ASIC2: variants seen among roughly 807,000 people sequenced by gnomAD.
The protein encoded by ASIC2 is acid sensing ion channel subunit 2.
In ASIC2, 25 loss-of-function variants were observed where a neutral mutation model predicts 57.3. The ratio of observed to expected loss-of-function variants is 0.44; its 90% confidence interval spans 0.32 to 0.61. ASIC2 has a LOEUF of 0.61. Among genes scored for constraint, ASIC2 ranks in the 20% least tolerant of loss-of-function variants. The pLI, the probability that ASIC2 is intolerant of heterozygous loss-of-function variation, is 0.06. For synonymous variants in ASIC2, 319 were observed against 307.5 expected (o/e 1.04, Z -0.39); for missense variants, 641 against 738.1 (o/e 0.87, Z 1.52).
chr17:34,011,312 C>T (rs1376013292), intron 1 of ASIC2, among the ~76,000 whole-genome samples: 1 of 152,142 alleles, frequency 6.6e-6, no homozygotes, highest in Admixed American at 6.5e-5. Context: ...CTCCTACCTG[C>T]CCCCAGCCTT....
intron 1 of ASIC2, chr17:33,827,658 T>C (rs996357542): frequency 1.3e-5 from 2 of 152,038 alleles, no homozygotes; most frequent in Non-Finnish European, 1.5e-5. Context: ...CTCACTCTTA[T>C]TTATGAAGGA....
chr17:33,779,789 C>T (rs1414184839), intron 1 of ASIC2, among the ~76,000 whole-genome samples: 1 of 152,124 alleles, frequency 6.6e-6, no homozygotes, highest in African/African-American at 2.4e-5. Flanking sequence ...AAGCACCACT[C>T]AAATGCCTGA....
intron 1 of ASIC2, among the ~76,000 whole-genome samples, chr17:33,805,699 G>A (rs549643367): frequency 1.3e-5 from 2 of 152,164 alleles, no homozygotes; most frequent in East Asian, 1.9e-4. Context: ...TGTTTCTGAC[G>A]TTTCCCTTTC....
chr17:34,054,985 T>G (rs1908712258), intron 1 of ASIC2, among the ~76,000 whole-genome samples: 1 of 152,138 alleles, frequency 6.6e-6, no homozygotes, highest in Non-Finnish European at 1.5e-5. Context: ...GAGAGGTCCA[T>G]CCAAAGAAAT....
intron 1 of ASIC2, among the ~76,000 whole-genome samples, chr17:33,117,808 C>T (rs1284479362): frequency 6.6e-6 from 1 of 152,164 alleles, no homozygotes; most frequent in Non-Finnish European, 1.5e-5. Flanking sequence ...TACTATGTGT[C>T]TGCTTTTCGG....
intron 1 of ASIC2, among the ~76,000 whole-genome samples, chr17:33,506,953 A>C (rs1322617321): frequency 6.6e-6 from 1 of 152,216 alleles, no homozygotes; most frequent in African/African-American, 2.4e-5. Context: ...AATGTCATCA[A>C]AAGGCTCTTC....
chr17:33,202,102 TG>T (rs2142079238), intron 1 of ASIC2, among the ~76,000 whole-genome samples: 1 of 151,714 alleles, frequency 6.6e-6, no homozygotes, highest in African/African-American at 2.4e-5. Flanking sequence ...CTTGATTCCT[TG>T]AATTATTTCC....
chr17:33,880,150 G>A (rs2141939050), intron 1 of ASIC2, among the ~76,000 whole-genome samples: 1 of 152,302 alleles, frequency 6.6e-6, no homozygotes, highest in East Asian at 1.9e-4. Context: ...ACAAGAGAAA[G>A]CAGGAAAGAT....
At chr17:33,626,028 T>G (rs969374395) in intron 1 of ASIC2, among the ~76,000 whole-genome samples, 1 of 152,234 alleles carries the variant, frequency 6.6e-6, no homozygotes. Flanking sequence ...AAGAAGATTC[T>G]GAGGTTCTAG....
chr17:33,490,698 T>C (rs1913728056), intron 1 of ASIC2, among the ~76,000 whole-genome samples: 1 of 152,172 alleles, frequency 6.6e-6, no homozygotes. Context: ...GAACTGTGAG[T>C]CAATTAAACC....
chr17:33,016,511 A>C lies in ASIC2; in HGVS notation c.1522-472T>G, dbSNP rs12602141. Among the ~76,000 whole-genome samples the C allele has an allele frequency of 1.0e-3, 153 of 152,314 alleles. 4 individuals carry two copies. In the East Asian group the frequency reaches 0.028, roughly 28 times the overall value. Reference sequence around the variant, plus strand: ...CTCCTAGCAATAGAGGGTAGTTCTTAAATCTGTTACCTGGTGTGATTCAAT... The same window carrying C: ...CTCCTAGCAATAGAGGGTAGTTCTTCAATCTGTTACCTGGTGTGATTCAAT... On this transcript the variant is annotated intron_variant, in intron 8 of 9. Coordinates refer to ENST00000225823, the MANE Select transcript of ASIC2 (RefSeq NM_183377.2).
intron 1 of ASIC2, among the ~76,000 whole-genome samples, chr17:34,122,783 G>A (rs532797017): frequency 6.6e-6 from 1 of 152,266 alleles, no homozygotes; most frequent in Admixed American, 6.5e-5. Flanking sequence ...AAAAACACAA[G>A]CTGCTCAGGG....
intron 1 of ASIC2, among the ~76,000 whole-genome samples, chr17:34,111,072 A>G (rs1296324355): frequency 6.6e-6 from 1 of 152,002 alleles, no homozygotes; most frequent in African/African-American, 2.4e-5. Flanking sequence ...AAAAATACAA[A>G]AAAGTTAGCT....
chr17:33,692,393 C>T (rs1377873848), intron 1 of ASIC2: 5 of 152,122 alleles, frequency 3.3e-5, no homozygotes. Flanking sequence ...CTTCACAGAA[C>T]CCACTACTAA....
intron 1 of ASIC2, among the ~76,000 whole-genome samples, chr17:33,331,303 A>G (rs1351921002): frequency 6.6e-6 from 1 of 152,194 alleles, no homozygotes; most frequent in Non-Finnish European, 1.5e-5. Flanking sequence ...GCTTTGGACA[A>G]CACTACTAAA....
At position 33,039,286 on chromosome 17, in the gene ASIC2, G is replaced by T. The variant is rs533677502; in HGVS notation, c.988-10894C>A. 1.2e-3 allele frequency among the ~76,000 whole-genome samples: 180 copies of T among 152,306 alleles called. 1 individual carries two copies. Among genetic ancestry groups the T allele is most frequent in the African/African-American group, 4.3e-3 (178 of 41,568 alleles). On this transcript the variant is annotated intron_variant, in intron 3 of 9. Coordinates refer to ENST00000225823, the MANE Select transcript of ASIC2 (RefSeq NM_183377.2). ...GGACCAAATTCCATTAGGCTTGGGG[G>T]TATCCCTGAGGGTTCCTGCCCAGGT...
At chr17:33,533,631 C>T (rs974020832) in intron 1 of ASIC2, 3 of 152,108 alleles carry the variant, frequency 2.0e-5, no homozygotes, top group Non-Finnish European at 4.4e-5. Flanking sequence ...AAAAGTCTGC[C>T]CCATGGATTG....
chr17:33,849,309 C>T lies in ASIC2; in HGVS notation c.555+306669G>A, dbSNP rs147677383. Among the ~76,000 whole-genome samples, 1,241 of 152,294 alleles carry T rather than the reference C, an allele frequency of 8.1e-3. 23 individuals carry two copies. Among genetic ancestry groups the T allele is most frequent in the African/African-American group, 0.028 (1,181 of 41,544 alleles). ...GGACTTGCTGTCCGCTATTAGCAGA[C>T]ACTGGCTGGGGACTAGTGCTCTACT... On this transcript the variant is annotated intron_variant, in intron 1 of 9. Transcript: ENST00000359872.
At chr17:34,061,143 G>A (rs978964965) in intron 1 of ASIC2, among the ~76,000 whole-genome samples, 11 of 152,114 alleles carry the variant, frequency 7.2e-5, no homozygotes, top group East Asian at 3.8e-4. Flanking sequence ...GATTAACAGC[G>A]GATTTCTCAG....
Sources: gnomAD v4.1 joint callset for allele counts (sites outside exome capture counted in the v4.1 genomes callset) on GRCh38, gnomAD v4.1.1 for gene constraint, MANE v1.5 for transcripts, NCBI Gene and HGNC (gene_info 2026-07-23, HGNC 2026-07-21) for gene names.